Variants in ATP2C2 observed in about 807,000 individuals in gnomAD.
ATP2C2 encodes the protein ATPase secretory pathway Ca2+ transporting 2.
ATP2C2 carries 171 observed loss-of-function variants against 110.8 expected under a neutral mutation model. That is an observed-to-expected ratio of 1.54 (90% CI 1.36 to 1.75). The LOEUF is 1.75. Ranked by LOEUF, ATP2C2 falls within the 40% of genes most tolerant of loss-of-function variation. ATP2C2 has a pLI of 0.00. For missense variants in ATP2C2, 1,963 were observed against 1,235.0 expected, an observed-to-expected ratio of 1.59 and a Z score of -8.84; for synonymous variants, 804 against 508.4, an observed-to-expected ratio of 1.58 and a Z score of -7.82.
At chr16:84,378,722 G>T (rs1910395918) in intron 1 of ATP2C2, among the ~76,000 whole-genome samples, 1 of 152,226 alleles carries the variant, frequency 6.6e-6, no homozygotes, top group Admixed American at 6.5e-5. Context: ...CTACGTGATT[G>T]TCAGGCTCAC....
intron 2 of ATP2C2, among the ~76,000 whole-genome samples, chr16:84,403,037 C>G (rs578158785): frequency 2.0e-5 from 3 of 152,208 alleles, no homozygotes; most frequent in South Asian, 2.1e-4. Flanking sequence ...AGGAATTTAT[C>G]CATTTCTTCT....
intron 10 of ATP2C2, among the ~76,000 whole-genome samples, chr16:84,424,338 G>A (rs1907608641): frequency 1.3e-5 from 2 of 152,186 alleles, no homozygotes; most frequent in Admixed American, 6.5e-5. Context: ...GAGAGCAGTG[G>A]CGTGATCTCA....
chr16:84,439,344 G>C, intron 12 of ATP2C2, 54 bp downstream of exon 12: 2 of 1,613,358 alleles, frequency 1.2e-6, no homozygotes, highest in Non-Finnish European at 1.7e-6. Flanking sequence ...TGGGGGCTTG[G>C]CTGTCAGGGC....
At chr16:84,420,432 T>C (rs551800944) in intron 7 of ATP2C2, among the ~76,000 whole-genome samples, 7,785 of 151,256 alleles carry the variant, frequency 0.051, 666 homozygotes, top group African/African-American at 0.17. Context: ...CGTAGTTTTC[T>C]TCCCGGGGTG....
At chr16:84,453,417 CAG>C in intron 20 of ATP2C2, 46 bp downstream of exon 20, 1 of 1,610,136 alleles carries the variant, frequency 6.2e-7, no homozygotes. Context: ...GGGGCCGGGC[CAG>C]AGACACTGTG....
chr16:84,368,764 C>G, intron 1 of ATP2C2, 50 bp downstream of exon 1: 1 of 1,415,986 alleles, frequency 7.1e-7, no homozygotes, highest in Non-Finnish European at 9.4e-7. Context: ...CCCCCATCCC[C>G]TCCGTCGTAA....
intron 11 of ATP2C2, among the ~76,000 whole-genome samples, chr16:84,428,334 C>A (rs1907968728): frequency 6.6e-6 from 1 of 152,166 alleles, no homozygotes; most frequent in Non-Finnish European, 1.5e-5. Flanking sequence ...ATTCCAAATG[C>A]CTTATTTTTT....
rs111426581 is a variant in ATP2C2, at chr16:84,413,626, T to G, written c.516-1857T>G. Among the ~76,000 whole-genome samples the G allele has an allele frequency of 3.1e-3, 470 of 152,316 alleles. 3 individuals carry two copies. The highest frequency in any genetic ancestry group is 0.011 in the African/African-American group (453 of 41,560). ...GTCTTGGCCTTTCAGGTGAATAGCG[T>G]GCATTATTGATGTCTCCCGGGAGGT... On this transcript the variant is annotated intron_variant, in intron 6 of 26. Coordinates refer to ENST00000262429, the MANE Select transcript of ATP2C2 (RefSeq NM_014861.4).
At chr16:84,418,153 A>G (rs901499959) in intron 7 of ATP2C2, among the ~76,000 whole-genome samples, 1 of 151,998 alleles carries the variant, frequency 6.6e-6, no homozygotes, top group Non-Finnish European at 1.5e-5. Context: ...AGGTGATGGG[A>G]CTCCAAGTGA....
intron 10 of ATP2C2, 21 bp downstream of exon 10, chr16:84,423,284 A>G (rs372268142): frequency 1.0e-4 from 168 of 1,608,290 alleles, no homozygotes; most frequent in Non-Finnish European, 1.4e-4. Context: ...CAGTTTCCAT[A>G]CTGGGTTTGT....
chr16:84,445,279 G>A (rs1453398908), intron 15 of ATP2C2, among the ~76,000 whole-genome samples: 3 of 149,118 alleles, frequency 2.0e-5, no homozygotes, highest in South Asian at 2.1e-4. Context: ...CTTGATCTCC[G>A]CTCACTGCAA....
At position 84,460,787 on chromosome 16, in the gene ATP2C2, A is replaced by G. The variant is rs759168045; in HGVS notation, c.2467A>G (p.Ile823Val). The G allele has an allele frequency of 3.1e-6, 5 of 1,613,078 alleles. No individual in the cohort carries two copies. Among genetic ancestry groups the G allele is most frequent in the Non-Finnish European group, 3.4e-6 (4 of 1,179,206 alleles). ...CATCATCATCAGCGGGACCCTCTTTATCTTCTGGAAGGAGGTGAGCGAGGG... is the reference window on the plus strand; with the variant it reads ...CATCATCATCAGCGGGACCCTCTTTGTCTTCTGGAAGGAGGTGAGCGAGGG... ...AAIIISGTLFIFWKEMPEDRA... is the reference protein window; with the variant it reads ...AAIIISGTLFVFWKEMPEDRA... The change falls in exon 24 of 27, where the codon ATC becomes GTC. Residue 823 changes from isoleucine (I) to valine (V), a missense_variant. Coordinates refer to ENST00000262429, the MANE Select transcript of ATP2C2 (RefSeq NM_014861.4).
At chr16:84,398,056 G>C (rs1191341609) in intron 1 of ATP2C2, among the ~76,000 whole-genome samples, 1 of 151,792 alleles carries the variant, frequency 6.6e-6, no homozygotes, top group East Asian at 1.9e-4. Flanking sequence ...ATAAGGGTTA[G>C]TTTGTGAGCT....
chr16:84,446,233 AGGT>A (rs1909735626), intron 15 of ATP2C2, 93 bp from the exon 16 acceptor site: 1 of 583,894 alleles, frequency 1.7e-6, no homozygotes, highest in Non-Finnish European at 2.7e-6. Flanking sequence ...TATCTGCCAG[AGGT>A]GGTTTGAACA....
chr16:84,392,544 C>T (rs963338621), intron 1 of ATP2C2, among the ~76,000 whole-genome samples: 1 of 152,244 alleles, frequency 6.6e-6, no homozygotes, highest in East Asian at 1.9e-4. Context: ...CTCACTGCAA[C>T]CTCTGCCTCC....
intron 11 of ATP2C2, among the ~76,000 whole-genome samples, chr16:84,428,253 C>G (rs746349306): frequency 6.6e-6 from 1 of 152,190 alleles, no homozygotes. Context: ...GTACATGGCT[C>G]TGGTGCATAG....
intron 11 of ATP2C2, among the ~76,000 whole-genome samples, chr16:84,432,996 AGGCAGGGGTGGC>A (rs1368292028): frequency 6.6e-6 from 1 of 152,146 alleles, no homozygotes; most frequent in African/African-American, 2.4e-5. Flanking sequence ...GAGCCTTTGG[AGGCAGGGGTGGC>A]GGCAGGGAGG....
rs534912995 is a variant in ATP2C2 at position 84,405,878 on chromosome 16, C to T, written c.327+634C>T. On this transcript the variant is annotated intron_variant, in intron 3 of 26. Transcript: ENST00000262429. ...GAGGCTGCAGTGAACTGAGATTGTG[C>T]CACTGTGCTCCAGCCTGGACAACAG... 2.6e-5 allele frequency among the ~76,000 whole-genome samples: 4 copies of T among 152,318 alleles called. No individual in the cohort carries two copies. In the East Asian group the frequency reaches 7.7e-4, roughly 29 times the overall value.
intron 7 of ATP2C2, among the ~76,000 whole-genome samples, chr16:84,419,271 C>T (rs1273489815): frequency 1.3e-5 from 2 of 149,886 alleles, no homozygotes; most frequent in African/African-American, 2.5e-5. Context: ...GCAGAGGCTC[C>T]AGGGGAGAAG....
Sources: allele counts gnomAD v4.1 joint callset (sites outside exome capture counted in the v4.1 genomes callset), GRCh38; gene constraint gnomAD v4.1.1; transcripts MANE v1.5; gene names NCBI Gene and HGNC (gene_info 2026-07-23, HGNC 2026-07-21).